The following ZNF683 variants were observed in gnomAD, a reference collection of about 807,000 sequenced individuals.
The protein encoded by ZNF683 is tissue-resident T-cell transcription regulator protein ZNF683.
Under a neutral mutation model 31.4 loss-of-function variants are expected in ZNF683, and 20 were observed. The ratio of observed to expected loss-of-function variants is 0.64; its 90% CI spans 0.45 to 0.93. The LOEUF (loss-of-function observed/expected upper bound fraction) is 0.93. Ranked by LOEUF, ZNF683 falls within the 40% of genes least tolerant of loss-of-function variation. The pLI is 0.00. For synonymous variants in ZNF683, 264 were observed against 267.6 expected, an observed-to-expected ratio of 0.99 and a Z score of 0.13; for missense variants, 621 against 637.2, an observed-to-expected ratio of 0.97 and a Z score of 0.27.
At chr1:26,363,242 C>T (rs1466322983) in intron 4 of ZNF683, 88 bp from the exon 5 acceptor site, 16 of 1,475,970 alleles carry the variant, frequency 1.1e-5, no homozygotes, top group Non-Finnish European at 1.5e-5. Flanking sequence ...CCACTTCTCT[C>T]TCCCTCCCCG....
rs750016741 is a variant in ZNF683 at position 26,365,004 on chromosome 1, A to T, written c.542T>A (p.Ile181Asn). Residue 181 changes from isoleucine (I) to asparagine (N), a missense_variant, in exon 4 of 6, where the codon ATC (isoleucine) becomes AAC (asparagine). By Grantham distance (149) the Ile-to-Asn change is moderately radical (BLOSUM62 -3). Coordinates refer to ENST00000349618, the MANE Select transcript of ZNF683 (RefSeq NM_001114759.3). ...AFCPCPPVNS[I>N]SKELPFLLHA... ...GAGGAGAAATGGGAGCTCCTTGGAG[A>T]TGGAGTTGACAGGGGGACAGGGGCA... 2.5e-5 allele frequency: 40 copies of T among 1,582,430 alleles called. No individual in the cohort carries two copies. The highest frequency in any genetic ancestry group is 3.4e-5 in the Non-Finnish European group (40 of 1,166,966).
At chr1:26,369,777 C>T (rs112111044) in intron 1 of ZNF683, among the ~76,000 whole-genome samples, 5,668 of 149,166 alleles carry the variant, frequency 0.038, 340 homozygotes, top group African/African-American at 0.13. Context: ...TTGCAGTAGC[C>T]GAGATCATGT....
upstream of ZNF683, chr1:26,374,135 C>G (rs1325908132): frequency 2.5e-6 from 2 of 811,150 alleles, no homozygotes; most frequent in African/African-American, 3.7e-5. Flanking sequence ...GCTTAGTTCA[C>G]CAAAACTCTA....
At chr1:26,372,012 CT>C (rs2074681751) in intron 1 of ZNF683, among the ~76,000 whole-genome samples, 1 of 152,162 alleles carries the variant, frequency 6.6e-6, no homozygotes, top group Non-Finnish European at 1.5e-5. Context: ...GCTTTTTAGC[CT>C]GAGCAATGTC....
Position 26,364,697 on chromosome 1 carries a change from G to A in ZNF683, c.849C>T (p.Ser283=). ...CCATGCCACCACGCTCCAGGCCTGG[G>A]GAGTCGGTTGGGGCAGCTCCAGCAC... is the stretch of plus-strand genomic sequence containing the variant. The part of the protein sequence containing the change: ...NPGAGAAPTD[S]PGLERGGMAS... Residue 283 remains serine, a synonymous_variant, in exon 4 of 6, where the codon TCC becomes TCT. Transcript: ENST00000349618. 3 of 1,613,940 alleles carry A rather than the reference G, an allele frequency of 1.9e-6. 1 individual carries two copies. In the South Asian group the frequency reaches 3.3e-5, roughly 18 times the overall value.
At chr1:26,372,999 CA>C (rs2074702466), upstream of ZNF683, among the ~76,000 whole-genome samples, 1 of 152,164 alleles carries the variant, frequency 6.6e-6, no homozygotes, top group South Asian at 2.1e-4. Context: ...CCTGTGGCCT[CA>C]CACAAATTCT....
At chr1:26,367,865 T>TA in intron 2 of ZNF683, 68 bp from the exon 3 acceptor site, 1 of 1,285,776 alleles carries the variant, frequency 7.8e-7, no homozygotes, top group Non-Finnish European at 1.0e-6. Flanking sequence ...AGATGGCCCC[T>TA]ACCCCTATTT....
At chr1:26,370,314 A>G (rs1420717388) in intron 1 of ZNF683, among the ~76,000 whole-genome samples, 2 of 152,164 alleles carry the variant, frequency 1.3e-5, no homozygotes, top group Non-Finnish European at 2.9e-5. Context: ...TCTCACCAGG[A>G]ATAAAGCCTG....
chr1:26,372,453 A>G, intron 1 of ZNF683: 1 of 1,296,144 alleles, frequency 7.7e-7, no homozygotes, highest in Non-Finnish European at 1.0e-6. Flanking sequence ...CTTAATTCCA[A>G]CCTCCCTCAC....
chr1:26,367,126 G>C (rs747451329), intron 3 of ZNF683, among the ~76,000 whole-genome samples: 8 of 152,074 alleles, frequency 5.3e-5, no homozygotes, highest in Non-Finnish European at 1.2e-4. Flanking sequence ...TTAGCCGGGG[G>C]TGGTGGCGCA....
intron 4 of ZNF683, 93 bp from the exon 5 acceptor site, chr1:26,363,247 TC>T: frequency 7.0e-7 from 1 of 1,437,344 alleles, no homozygotes; most frequent in Non-Finnish European, 9.4e-7. Context: ...TCTCTCTCCC[TC>T]CCCGTCATCT....
intron 4 of ZNF683, 77 bp from the exon 5 acceptor site, chr1:26,363,231 C>T: frequency 6.6e-7 from 1 of 1,511,996 alleles, no homozygotes; most frequent in Non-Finnish European, 8.9e-7. Flanking sequence ...CAAATCTCTG[C>T]CCACTTCTCT....
chr1:26,365,368 G>T, intron 3 of ZNF683, 142 bp from the exon 4 acceptor site: 1 of 911,366 alleles, frequency 1.1e-6, no homozygotes, highest in Non-Finnish European at 1.6e-6. Flanking sequence ...ACAATTTCAG[G>T]GGGAGAAAGC....
chr1:26,368,370 C>T, intron 2 of ZNF683, 88 bp downstream of exon 2: 1 of 1,418,980 alleles, frequency 7.0e-7, no homozygotes. Flanking sequence ...AGATCTAGGT[C>T]CCTTCAGACG....
intron 1 of ZNF683, among the ~76,000 whole-genome samples, chr1:26,372,024 A>C (rs1308231669): frequency 6.6e-6 from 1 of 152,204 alleles, no homozygotes; most frequent in Non-Finnish European, 1.5e-5. Context: ...GAGCAATGTC[A>C]TTATTCTTGT....
intron 1 of ZNF683, among the ~76,000 whole-genome samples, chr1:26,372,295 G>A (rs1451550019): frequency 2.0e-5 from 3 of 152,200 alleles, no homozygotes; most frequent in African/African-American, 4.8e-5. Context: ...GCATCTCAAG[G>A]ACAGGGTCCT....
In ZNF683 at chr1:26,364,655, C is replaced by G. The variant is rs750323211; in HGVS notation, c.891G>C (p.Arg297=). The G allele has an allele frequency of 1.2e-6, 2 of 1,613,906 alleles. No homozygotes were observed. The highest frequency in any genetic ancestry group is 2.7e-5 in the African/African-American group (2 of 74,934). ...TGCCTGTCTGGGAACTCAATGGGAC[C>G]CGCTTTGCTGGAGATGCCATGCCAC... ...ERGGMASPAK[R]VPLSSQTGTA... Residue 297 remains arginine (R), a synonymous_variant, in exon 4 of 6, where the codon CGG becomes CGC. Coordinates refer to ENST00000349618, the MANE Select transcript of ZNF683 (RefSeq NM_001114759.3).
rs1171439363 is a variant in ZNF683, at chr1:26,363,101, C to T, written c.1068G>A (p.Gln356=). The T allele has an allele frequency of 6.2e-7, 1 of 1,612,830 alleles. No homozygotes were observed. Among genetic ancestry groups the T allele is most frequent in the South Asian group, 1.1e-5 (1 of 90,758 alleles). The change falls in exon 5 of 6, where the codon CAG becomes CAA. Residue 356 remains glutamine, a synonymous_variant. Transcript: ENST00000349618. ...GGTGGGCAAGTTGAGTGAAGCTCTT[C>T]TGGCACAAGGCACACTGGAATGGAC... The part of the protein sequence containing the change: ...GERPFQCALC[Q]KSFTQLAHLQ...
At position 26,366,401 on chromosome 1, in the gene ZNF683, C is replaced by T. The variant is rs552066990; in HGVS notation, c.320-1175G>A. The stretch of plus-strand genomic sequence containing the variant: ...TTCTGGTTGGATCCTTATTTATTTA[C>T]TCAATCAATCTCACTGAGCCGTTTC... On this transcript the variant is annotated intron_variant, in intron 3 of 5. Transcript: ENST00000349618. Among the ~76,000 whole-genome samples the T allele has an allele frequency of 2.1e-5, 3 of 145,786 alleles. No individual in the cohort carries two copies. In the South Asian group the frequency reaches 6.9e-4, roughly 33 times the overall value.
Sources: gnomAD v4.1 joint callset for allele counts (sites outside exome capture counted in the v4.1 genomes callset) on GRCh38, gnomAD v4.1.1 for gene constraint, MANE v1.5 for transcripts, NCBI Gene and HGNC (gene_info 2026-07-23, HGNC 2026-07-21) for gene names.